The following SLC24A3 variants were observed in gnomAD, a reference collection of about 807,000 sequenced individuals.
The protein encoded by SLC24A3 is solute carrier family 24 member 3.
SLC24A3 carries 28 observed loss-of-function variants against 75.8 expected under a neutral mutation model. The ratio of observed to expected loss-of-function variants is 0.37; its 90% confidence interval spans 0.27 to 0.51. The LOEUF (loss-of-function observed/expected upper bound fraction) is 0.51. Among genes scored for constraint, SLC24A3 ranks in the 20% least tolerant of loss-of-function variants. The pLI is 0.94. For missense variants in SLC24A3, 663 were observed against 847.8 expected, an observed-to-expected ratio of 0.78 and a Z score of 2.71; for synonymous variants, 372 against 334.1, an observed-to-expected ratio of 1.11 and a Z score of -1.24.
At chr20:19,482,372 G>A (rs2122520289) in intron 2 of SLC24A3, among the ~76,000 whole-genome samples, 2 of 152,218 alleles carry the variant, frequency 1.3e-5, no homozygotes, top group South Asian at 4.1e-4. Context: ...TCCTGGAACA[G>A]TGGTCCTCCA....
chr20:19,512,163 G>C (rs2029896310), intron 2 of SLC24A3, among the ~76,000 whole-genome samples: 1 of 152,194 alleles, frequency 6.6e-6, no homozygotes, highest in South Asian at 2.1e-4. Flanking sequence ...TGATAGAGGA[G>C]CTCCCAGCTG....
chr20:19,460,764 C>T (rs926606), intron 2 of SLC24A3, among the ~76,000 whole-genome samples: 85,356 of 152,004 alleles, frequency 0.56, 24,107 homozygotes, highest in Non-Finnish European at 0.58. Flanking sequence ...ACTGCAGGCC[C>T]TCCCTTGTTC....
intron 13 of SLC24A3, 102 bp from the exon 14 acceptor site, chr20:19,696,695 A>T: frequency 1.3e-6 from 1 of 755,888 alleles, no homozygotes; most frequent in Middle Eastern, 2.4e-4. Context: ...CCCCACAGAG[A>T]TAGCCCAGAC....
chr20:19,542,583 G>C (rs1041232806), intron 3 of SLC24A3, among the ~76,000 whole-genome samples: 1 of 152,182 alleles, frequency 6.6e-6, no homozygotes, highest in African/African-American at 2.4e-5. Context: ...AATGAGAGCT[G>C]CCTCCCAAAA....
intron 7 of SLC24A3, among the ~76,000 whole-genome samples, chr20:19,665,605 A>G (rs1272369458): frequency 1.3e-5 from 2 of 152,186 alleles, no homozygotes; most frequent in African/African-American, 4.8e-5. Context: ...GAAGAAGGGA[A>G]TTACCTGAGG....
At chr20:19,310,975 C>A (rs193074371) in intron 2 of SLC24A3, among the ~76,000 whole-genome samples, 1 of 152,158 alleles carries the variant, frequency 6.6e-6, no homozygotes, top group African/African-American at 2.4e-5. Context: ...TATTCCCCCT[C>A]TATGTAATCT....
chr20:19,685,127 T>G lies in SLC24A3; in HGVS notation c.1090T>G (p.Tyr364Asp). The stretch of plus-strand genomic sequence containing the variant: ...ACAAAGATTGATAAACAGCAGGGCT[T>G]ATACCAACGGGGAATCTGAGGTGGC... ...ERQRLINSRA[Y>D]TNGESEVAIK... Residue 364 changes from tyrosine to aspartate, a missense_variant, in exon 12 of 17, where the codon TAT (tyrosine) becomes GAT (aspartate). Transcript: ENST00000328041. The G allele has an allele frequency of 6.2e-7, 1 of 1,613,270 alleles. No individual in the cohort carries two copies. Among genetic ancestry groups the G allele is most frequent in the African/African-American group, 1.3e-5 (1 of 75,008 alleles).
intron 6 of SLC24A3, among the ~76,000 whole-genome samples, chr20:19,590,942 A>G (rs889663546): frequency 6.6e-6 from 1 of 152,176 alleles, no homozygotes; most frequent in Non-Finnish European, 1.5e-5. Flanking sequence ...GGAAAGGTAG[A>G]CAGTCCTGCT....
intron 1 of SLC24A3, among the ~76,000 whole-genome samples, chr20:19,254,477 G>T (rs1232021295): frequency 6.6e-6 from 1 of 152,228 alleles, no homozygotes; most frequent in Non-Finnish European, 1.5e-5. Flanking sequence ...CAAAAGCAGT[G>T]AGTCCAAGTG....
At chr20:19,390,925 TG>T (rs1439730012) in intron 2 of SLC24A3, among the ~76,000 whole-genome samples, 1 of 152,154 alleles carries the variant, frequency 6.6e-6, no homozygotes, top group African/African-American at 2.4e-5. Flanking sequence ...GGGGCTTGCC[TG>T]GAAGTGTAGC....
chr20:19,496,590 G>T (rs1988291994), intron 2 of SLC24A3, among the ~76,000 whole-genome samples: 1 of 152,192 alleles, frequency 6.6e-6, no homozygotes, highest in African/African-American at 2.4e-5. Context: ...AGCCTGGGTT[G>T]CCAGAACCTG....
At chr20:19,390,433 C>T (rs1986347033) in intron 2 of SLC24A3, among the ~76,000 whole-genome samples, 1 of 152,138 alleles carries the variant, frequency 6.6e-6, no homozygotes, top group Non-Finnish European at 1.5e-5. Flanking sequence ...GTGCCTCATT[C>T]ATCAGTTCAC....
At chr20:19,343,452 C>T (rs1985321097) in intron 2 of SLC24A3, among the ~76,000 whole-genome samples, 1 of 152,038 alleles carries the variant, frequency 6.6e-6, no homozygotes, top group Admixed American at 6.6e-5. Context: ...GACCCCTCAC[C>T]TGGAGCATAG....
chr20:19,376,288 C>T lies in SLC24A3; in HGVS notation c.271+95201C>T, dbSNP rs118171317. 6.1e-4 allele frequency among the ~76,000 whole-genome samples: 93 copies of T among 152,254 alleles called. No individual in the cohort carries two copies. The East Asian group carries it at 0.017, about 28-fold the overall frequency. On this transcript the variant is annotated intron_variant, in intron 2 of 16. Coordinates refer to ENST00000328041, the MANE Select transcript of SLC24A3 (RefSeq NM_020689.4). ...GGAATAACGTTTTAGGTGCTAGGCG[C>T]CACATTCAATAAGAACCCAAAGAGT...
chr20:19,531,927 G>A (rs1568646614), intron 3 of SLC24A3, among the ~76,000 whole-genome samples: 1 of 152,170 alleles, frequency 6.6e-6, no homozygotes, highest in Non-Finnish European at 1.5e-5. Flanking sequence ...CATGACAGAA[G>A]TATTATCTCC....
At chr20:19,270,099 C>G (rs1983281244) in intron 1 of SLC24A3, among the ~76,000 whole-genome samples, 1 of 152,204 alleles carries the variant, frequency 6.6e-6, no homozygotes, top group South Asian at 2.1e-4. Context: ...CAATGCATTG[C>G]TCCTGAACTT....
intron 2 of SLC24A3, among the ~76,000 whole-genome samples, chr20:19,493,123 A>G (rs1161693995): frequency 6.6e-6 from 1 of 152,234 alleles, no homozygotes; most frequent in African/African-American, 2.4e-5. Context: ...CCATGGTGAC[A>G]GGAATCAGTG....
At chr20:19,331,676 C>A (rs1007140052) in intron 2 of SLC24A3, among the ~76,000 whole-genome samples, 12 of 152,090 alleles carry the variant, frequency 7.9e-5, no homozygotes, top group Non-Finnish European at 1.2e-4. Flanking sequence ...TGCCTTCTTT[C>A]AGGATTGATT....
intron 7 of SLC24A3, among the ~76,000 whole-genome samples, chr20:19,655,539 A>AGTATTTCT (rs1250987537): frequency 2.6e-5 from 4 of 152,130 alleles, no homozygotes; most frequent in Non-Finnish European, 5.9e-5. Flanking sequence ...GGCTGGTGAA[A>AGTATTTCT]GTATTTCTGG....
Sources: gnomAD v4.1 joint callset for allele counts (sites outside exome capture counted in the v4.1 genomes callset) on GRCh38, gnomAD v4.1.1 for gene constraint, MANE v1.5 for transcripts, NCBI Gene and HGNC (gene_info 2026-07-23, HGNC 2026-07-21) for gene names.